Variants in ANO1 observed in about 807,000 individuals in gnomAD.
The protein encoded by ANO1 is anoctamin-1.
ANO1 carries 59 observed loss-of-function variants against 124.0 expected under a neutral mutation model. That is an observed-to-expected ratio of 0.48 (90% CI 0.39 to 0.59). The LOEUF (loss-of-function observed/expected upper bound fraction) is 0.59, where lower values mean the gene tolerates loss of function less well. Among genes scored for constraint, ANO1 ranks in the 20% least tolerant of loss-of-function variants. The pLI is 0.00. For synonymous variants in ANO1, 529 were observed against 532.0 expected (o/e 0.99, Z 0.08); for missense variants, 1,059 against 1,328.0 (o/e 0.80, Z 3.15).
intron 2 of ANO1, among the ~76,000 whole-genome samples, chr11:70,094,448 T>G (rs1330755454): frequency 6.6e-6 from 1 of 151,968 alleles, no homozygotes; most frequent in Non-Finnish European, 1.5e-5. Flanking sequence ...GAATCGGGGG[T>G]GGGGGCCTGG....
At chr11:70,041,801 A>G (rs1314603590) in intron 1 of ANO1, among the ~76,000 whole-genome samples, 4 of 152,050 alleles carry the variant, frequency 2.6e-5, no homozygotes, top group East Asian at 1.9e-4. Flanking sequence ...TGTAACCTGC[A>G]ATGTTTTCTT....
chr11:70,143,690 A>G (rs1056412500), intron 11 of ANO1, among the ~76,000 whole-genome samples: 52 of 152,252 alleles, frequency 3.4e-4, no homozygotes, highest in Non-Finnish European at 7.2e-4. Context: ...GATGAAATGG[A>G]CAGATTGCCC....
rs1450065595 is a variant in ANO1 at position 70,105,800 on chromosome 11, A to G, written c.747+12A>G. 1 of 1,612,440 alleles carries G rather than the reference A, an allele frequency of 6.2e-7. No homozygotes were observed. Among genetic ancestry groups the G allele is most frequent in the African/African-American group, 1.3e-5 (1 of 74,956 alleles). On this transcript the variant is annotated intron_variant, in intron 5 of 25. Coordinates refer to ENST00000355303, the MANE Select transcript of ANO1 (RefSeq NM_018043.7). ...CCCGGAGCACGATTGTAAGTATCGC[A>G]CGCGCCTGGAAACGGCTCACTGGCA... is the stretch of plus-strand genomic sequence containing the variant.
At chr11:70,172,134 AAAGAAAAG>A (rs2048500875) in intron 22 of ANO1, among the ~76,000 whole-genome samples, 1 of 142,486 alleles carries the variant, frequency 7.0e-6, no homozygotes, top group African/African-American at 2.5e-5. Context: ...AAAAAAAAAA[AAAGAAAAG>A]AAAAGAAAAG....
intron 1 of ANO1, among the ~76,000 whole-genome samples, chr11:70,017,904 C>T (rs527971606): frequency 6.6e-6 from 1 of 152,080 alleles, no homozygotes. Context: ...TCTAGCTACC[C>T]CCTGCCTGCA....
chr11:69,982,102 A>T (rs1554996296), upstream of ANO1, among the ~76,000 whole-genome samples: 2 of 152,214 alleles, frequency 1.3e-5, no homozygotes, highest in African/African-American at 4.8e-5. Context: ...CTGGATAGAA[A>T]TGTGGGTGCT....
chr11:70,045,700 G>T (rs983186387), intron 1 of ANO1, among the ~76,000 whole-genome samples: 1 of 152,006 alleles, frequency 6.6e-6, no homozygotes, highest in Non-Finnish European at 1.5e-5. Flanking sequence ...ACTTTCCAAG[G>T]CTCTCTTCCC....
chr11:70,059,226 C>T (rs1857512777), intron 1 of ANO1, among the ~76,000 whole-genome samples: 1 of 151,512 alleles, frequency 6.6e-6, no homozygotes, highest in Non-Finnish European at 1.5e-5. Context: ...TGGCAGGCGC[C>T]TGTAGTCCCA....
intron 22 of ANO1, among the ~76,000 whole-genome samples, chr11:70,177,594 C>CTTTTTTTTTTCTTTTTTTTTTT (rs1565281935): frequency 3.8e-4 from 30 of 78,924 alleles, no homozygotes; most frequent in Non-Finnish European, 4.4e-4. Flanking sequence ...TTTTTTTTTT[C>CTTTTTTTTTTCTTTTTTTTTTT]TTTTTTTTTT....
intron 22 of ANO1, among the ~76,000 whole-genome samples, chr11:70,176,878 C>T (rs760347870): frequency 1.3e-5 from 2 of 152,200 alleles, no homozygotes; most frequent in African/African-American, 2.4e-5. Flanking sequence ...TCGGGGCTCC[C>T]AGCCCCACCC....
chr11:69,979,717 T>C, the ANO1 span, among the ~76,000 whole-genome samples: 4 of 152,116 alleles, frequency 2.6e-5, no homozygotes, highest in African/African-American at 7.2e-5. Context: ...AGCCCAGCCA[T>C]GAGTGTCCTG....
At chr11:70,047,536 A>G (rs944368249) in intron 1 of ANO1, among the ~76,000 whole-genome samples, 2 of 152,202 alleles carry the variant, frequency 1.3e-5, no homozygotes, top group African/African-American at 4.8e-5. Context: ...AGAACAAAAG[A>G]CCAAAGAAAG....
chr11:70,003,607 A>AGG (rs1856427599), intron 1 of ANO1, among the ~76,000 whole-genome samples: 3 of 91,554 alleles, frequency 3.3e-5, no homozygotes, highest in African/African-American at 1.0e-4. Context: ...GGATGGATGG[A>AGG]TGGATGGATG....
At chr11:70,056,610 T>C (rs1338432274) in intron 1 of ANO1, 2 of 152,116 alleles carry the variant, frequency 1.3e-5, no homozygotes. Context: ...ACTGGCATTA[T>C]GCAAATATAC....
chr11:70,116,687 G>T lies in ANO1; in HGVS notation c.897+188G>T, dbSNP rs2045989168. On this transcript the variant is annotated intron_variant, in intron 8 of 25. Coordinates refer to ENST00000355303, the MANE Select transcript of ANO1 (RefSeq NM_018043.7). ...GGAGAAAAGTCCGTGAGCTTTGTGT[G>T]GCTGGTTTGTTTTCCTCTTTCTGAT... 1.0e-5 allele frequency: 6 copies of T among 574,514 alleles called. No individual in the cohort carries two copies. The East Asian group carries it at 1.8e-4, about 17-fold the overall frequency. 35.6% of individuals were successfully genotyped at this position (574,514 alleles called of 1,614,324 possible).
At position 70,179,437 on chromosome 11, in the gene ANO1, G is replaced by A. The variant is rs143740607; in HGVS notation, c.2351-567G>A. ...TGGAGAGACCAGCATGGCCCTGGGCGCTGTGTTGTGATCCTCTTGTTCATC... is the reference window on the plus strand; with the variant it reads ...TGGAGAGACCAGCATGGCCCTGGGCACTGTGTTGTGATCCTCTTGTTCATC... On this transcript the variant is annotated intron_variant, in intron 22 of 25. Transcript: ENST00000355303. Among the ~76,000 whole-genome samples the A allele has an allele frequency of 4.4e-3, 675 of 152,296 alleles. 4 individuals are homozygous for A. The highest frequency in any genetic ancestry group is 0.011 in the African/African-American group (468 of 41,560).
chr11:69,984,011 G>T (rs1272154705), upstream of ANO1, among the ~76,000 whole-genome samples: 1 of 152,166 alleles, frequency 6.6e-6, no homozygotes, highest in Non-Finnish European at 1.5e-5. Flanking sequence ...GTCCCAGGAC[G>T]TATTTACATT....
the ANO1 span, among the ~76,000 whole-genome samples, chr11:69,980,751 A>G: frequency 6.6e-6 from 1 of 151,994 alleles, no homozygotes; most frequent in Non-Finnish European, 1.5e-5. Context: ...ACATTTTATC[A>G]CAATTAAAAA....
At chr11:69,970,529 G>C in the ANO1 span, among the ~76,000 whole-genome samples, 1 of 152,184 alleles carries the variant, frequency 6.6e-6, no homozygotes, top group Non-Finnish European at 1.5e-5. Context: ...ACTTCACACA[G>C]GTCTGAAGCG....
Sources: gnomAD v4.1 joint callset for allele counts (sites outside exome capture counted in the v4.1 genomes callset) on GRCh38, gnomAD v4.1.1 for gene constraint, MANE v1.5 for transcripts, NCBI Gene and HGNC (gene_info 2026-07-23, HGNC 2026-07-21) for gene names.